Variants in SAMHD1 observed in about 807,000 individuals in gnomAD.
SAMHD1 encodes deoxynucleoside triphosphate triphosphohydrolase SAMHD1.
SAMHD1 carries 54 observed loss-of-function variants against 79.6 expected under a neutral mutation model. The ratio of observed to expected loss-of-function variants is 0.68; its 90% CI spans 0.55 to 0.85. The LOEUF (loss-of-function observed/expected upper bound fraction) is 0.85. Among genes scored for constraint, SAMHD1 ranks in the 40% least tolerant of loss-of-function variants. The pLI, the probability that SAMHD1 is intolerant of heterozygous loss-of-function variation, is 0.00. For missense variants in SAMHD1, 663 were observed against 782.7 expected, an observed-to-expected ratio of 0.85 and a Z score of 1.82; for synonymous variants, 260 against 264.1, an observed-to-expected ratio of 0.98 and a Z score of 0.15.
intron 9 of SAMHD1, 47 bp from the exon 10 acceptor site, chr20:36,912,599 A>T (rs529586447): frequency 1.5e-6 from 2 of 1,322,510 alleles, no homozygotes; most frequent in African/African-American, 2.9e-5. Flanking sequence ...GATTATGTTA[A>T]CGTTATTAGA....
chr20:36,928,937 G>A (rs927625197), intron 5 of SAMHD1, among the ~76,000 whole-genome samples: 2 of 149,778 alleles, frequency 1.3e-5, no homozygotes, highest in African/African-American at 4.9e-5. Context: ...TGTGCCTGTA[G>A]TCCCAGCTAC....
At chr20:36,919,648 TA>T in intron 6 of SAMHD1, 129 bp from the exon 7 acceptor site, 1 of 841,540 alleles carries the variant, frequency 1.2e-6, no homozygotes. Context: ...CTCTAGTTTC[TA>T]ACCACAATCT....
rs1255984255 is a variant in SAMHD1 at position 36,895,688 on chromosome 20, ACT to A, written c.1746+2132_1746+2133del. ...AGCCAAACTTTAATAGCCTCTCTTG[ACT>A]CTCTATTTCCAGACTCTCCAAGTTC... On this transcript the variant is annotated intron_variant, in intron 15 of 15. Coordinates refer to ENST00000646673, the MANE Select transcript of SAMHD1 (RefSeq NM_015474.4). Among the ~76,000 whole-genome samples, 15 of 151,900 alleles carry A rather than the reference ACT, an allele frequency of 9.9e-5. No individual in the cohort carries two copies. The South Asian group carries it at 2.7e-3, about 27-fold the overall frequency.
At chr20:36,898,126 G>A (rs62208116) in intron 14 of SAMHD1, among the ~76,000 whole-genome samples, 167 bp from the exon 15 acceptor site, 3 of 152,206 alleles carry the variant, frequency 2.0e-5, no homozygotes, top group East Asian at 1.9e-4. Context: ...TGACCTCCCA[G>A]GCACAAGTGA....
intron 9 of SAMHD1, among the ~76,000 whole-genome samples, chr20:36,914,819 G>A (rs1177740545): frequency 6.7e-6 from 1 of 149,282 alleles, no homozygotes; most frequent in African/African-American, 2.5e-5. Flanking sequence ...CCAGCCTGGG[G>A]AACATAGCGA....
At chr20:36,943,297 C>T (rs1053567956) in intron 2 of SAMHD1, among the ~76,000 whole-genome samples, 4 of 152,192 alleles carry the variant, frequency 2.6e-5, no homozygotes, top group Non-Finnish European at 5.9e-5. Flanking sequence ...TGGAAATGTT[C>T]TATATCTGCT....
chr20:36,935,933 G>A lies in SAMHD1; in HGVS notation c.349-744C>T, dbSNP rs1359996717. Among the ~76,000 whole-genome samples, 3 of 151,854 alleles carry A rather than the reference G, an allele frequency of 2.0e-5. No individual in the cohort carries two copies. The East Asian group carries it at 5.8e-4, about 29-fold the overall frequency. ...CATCATTAAAACAGAAAAGAAAGAA[G>A]GGAGGCAGGGAAAGAAAGAAAGATG... On this transcript the variant is annotated intron_variant, in intron 3 of 15. Coordinates refer to ENST00000646673, the MANE Select transcript of SAMHD1 (RefSeq NM_015474.4).
chr20:36,891,052 A>T lies in SAMHD1; in HGVS notation c.*1880T>A, dbSNP rs1391630618. ...GGCACATGATGTCTGACCCCTATAGAGGCACCTTGGCTAAAATGGGAATGA... is the reference window on the plus strand; with the variant it reads ...GGCACATGATGTCTGACCCCTATAGTGGCACCTTGGCTAAAATGGGAATGA... On this transcript the variant is annotated 3_prime_UTR_variant, in exon 16 of 16. Coordinates refer to ENST00000646673, the MANE Select transcript of SAMHD1 (RefSeq NM_015474.4). 6.6e-6 allele frequency: 1 copy of T among 152,194 alleles called. No homozygotes were observed. Among genetic ancestry groups the T allele is most frequent in the East Asian group, 1.9e-4 (1 of 5,190 alleles). 9.4% of individuals were successfully genotyped at this position (152,194 alleles called of 1,614,324 possible). A position where few individuals can be genotyped will look rare whatever the true frequency, so the allele number is the denominator to read the frequency against.
rs1455443281 is a variant in SAMHD1, at chr20:36,891,185, C to T, written c.*1747G>A. 1 of 152,228 alleles carries T rather than the reference C, an allele frequency of 6.6e-6. No individual in the cohort carries two copies. The highest frequency in any genetic ancestry group is 2.4e-5 in the African/African-American group (1 of 41,456). The allele number at this position is 152,228 out of a possible 1,614,324, so 9.4% of individuals were successfully genotyped here. On this transcript the variant is annotated 3_prime_UTR_variant, in exon 16 of 16. Coordinates refer to ENST00000646673, the MANE Select transcript of SAMHD1 (RefSeq NM_015474.4). ...TGAGAGGAGAAGTGTTTTAACTATTCTCTTATGAATTGTAACCAACCCTTA... is the reference window on the plus strand; with the variant it reads ...TGAGAGGAGAAGTGTTTTAACTATTTTCTTATGAATTGTAACCAACCCTTA...
At chr20:36,890,109 G>A (rs1485695745), downstream of SAMHD1, 2 of 152,312 alleles carry the variant, frequency 1.3e-5, 1 homozygote, top group Middle Eastern at 6.8e-3. Flanking sequence ...CCAGTGCCAG[G>A]TGCTTGTGAG....
chr20:36,898,650 A>C, intron 13 of SAMHD1, 106 bp from the exon 14 acceptor site: 66 of 844,220 alleles, frequency 7.8e-5, no homozygotes, highest in Non-Finnish European at 1.2e-4. Flanking sequence ...GCAGTAGCTC[A>C]TGCCTATAAT....
chr20:36,924,877 G>A (rs1490185115), intron 6 of SAMHD1, among the ~76,000 whole-genome samples: 4 of 151,954 alleles, frequency 2.6e-5, no homozygotes, highest in Admixed American at 6.6e-5. Flanking sequence ...TAGATTTCTC[G>A]GCCGGGCACG....
chr20:36,928,370 C>T (rs1248575565), intron 5 of SAMHD1, among the ~76,000 whole-genome samples: 1 of 145,818 alleles, frequency 6.9e-6, no homozygotes, highest in African/African-American at 2.6e-5. Flanking sequence ...GCCTGGGTGA[C>T]AGAGCAAGAC....
At chr20:36,941,377 A>C (rs1185035081) in intron 2 of SAMHD1, among the ~76,000 whole-genome samples, 3 of 152,086 alleles carry the variant, frequency 2.0e-5, no homozygotes, top group Non-Finnish European at 4.4e-5. Context: ...AAGACTTGAA[A>C]AACTCCACAT....
intron 12 of SAMHD1, 183 bp downstream of exon 12, chr20:36,905,181 C>G: frequency 1.5e-6 from 1 of 650,394 alleles, no homozygotes; most frequent in Non-Finnish European, 2.7e-6. Context: ...GTTATTTAAT[C>G]TCAGTGAAGC....
chr20:36,935,851 G>A (rs896743966), intron 3 of SAMHD1, among the ~76,000 whole-genome samples: 3 of 152,012 alleles, frequency 2.0e-5, no homozygotes, highest in Non-Finnish European at 2.9e-5. Context: ...GATTACAGGC[G>A]TGAGCCACCG....
intron 11 of SAMHD1, among the ~76,000 whole-genome samples, chr20:36,910,892 A>AGGGATTTG (rs1568766368): frequency 6.6e-6 from 1 of 152,132 alleles, no homozygotes; most frequent in Non-Finnish European, 1.5e-5. Context: ...CCTTTATCAA[A>AGGGATTTG]GTCACTTTAT....
chr20:36,929,570 A>C (rs1297804425), intron 5 of SAMHD1, among the ~76,000 whole-genome samples: 1 of 152,038 alleles, frequency 6.6e-6, no homozygotes, highest in Admixed American at 6.6e-5. Flanking sequence ...CTGCATCTCT[A>C]CTAAAAATAG....
chr20:36,890,137 C>G (rs1387519431), downstream of SAMHD1: 1 of 152,142 alleles, frequency 6.6e-6, no homozygotes, highest in African/African-American at 2.4e-5. Context: ...TTTAATTTCA[C>G]AATGAAGGTA....
Sources: allele counts gnomAD v4.1 joint callset (sites outside exome capture counted in the v4.1 genomes callset), GRCh38; gene constraint gnomAD v4.1.1; transcripts MANE v1.5; gene names NCBI Gene and HGNC (gene_info 2026-07-23, HGNC 2026-07-21).